SLC49A4: variants seen among roughly 807,000 people sequenced by gnomAD.
The protein encoded by SLC49A4 is disrupted in renal cancer protein 2.
In SLC49A4, 36 loss-of-function variants were observed where a neutral mutation model predicts 50.6. That is an observed-to-expected ratio of 0.71 (90% CI 0.55 to 0.94). The LOEUF (loss-of-function observed/expected upper bound fraction) is 0.94. Among genes scored for constraint, SLC49A4 ranks in the 40% least tolerant of loss-of-function variants. The pLI is 0.00. For missense variants in SLC49A4, 503 were observed against 605.7 expected, an observed-to-expected ratio of 0.83 and a Z score of 1.78; for synonymous variants, 248 against 241.2, an observed-to-expected ratio of 1.03 and a Z score of -0.26.
At chr3:122,848,210 A>G (rs748476576) in intron 5 of SLC49A4, among the ~76,000 whole-genome samples, 4 of 152,110 alleles carry the variant, frequency 2.6e-5, no homozygotes, top group Non-Finnish European at 4.4e-5. Flanking sequence ...TTTTTTCCCC[A>G]TAGATATTTG....
intron 7 of SLC49A4, among the ~76,000 whole-genome samples, chr3:122,860,848 T>C (rs1937050964): frequency 6.6e-6 from 1 of 152,222 alleles, no homozygotes. Flanking sequence ...TACATTTCTG[T>C]AGAGTAGAAG....
intron 5 of SLC49A4, among the ~76,000 whole-genome samples, 159 bp downstream of exon 5, chr3:122,846,030 T>G (rs996012608): frequency 6.6e-6 from 1 of 152,230 alleles, no homozygotes; most frequent in African/African-American, 2.4e-5. Context: ...TAAAAAATAA[T>G]GTTGATTTTC....
At chr3:122,852,587 GAGAATCA>G (rs2107576701) in intron 5 of SLC49A4, among the ~76,000 whole-genome samples, 1 of 152,122 alleles carries the variant, frequency 6.6e-6, no homozygotes, top group East Asian at 1.9e-4. Flanking sequence ...GCAGAAGTCT[GAGAATCA>G]CCTTAATCTA....
In SLC49A4 at chr3:122,826,843, A is replaced by G. The variant is rs1231938224; in HGVS notation, c.481A>G (p.Thr161Ala). 1 of 1,614,162 alleles carries G rather than the reference A, an allele frequency of 6.2e-7. No homozygotes were observed. Among genetic ancestry groups the G allele is most frequent in the East Asian group, 2.2e-5 (1 of 44,884 alleles). ...GQMLNGLAGP[T>A]VMNAAPFLST... is the part of the protein sequence containing the mutation. ...GATGTTAAATGGATTGGCAGGTCCA[A>G]CTGTAATGAATGCAGCACCATTTCT... Residue 161 changes from threonine to alanine, a missense_variant, in exon 3 of 9, where the codon ACT becomes GCT. Thr to Ala is a moderately conservative substitution (Grantham distance 58, BLOSUM62 0). Coordinates refer to ENST00000261038, the MANE Select transcript of SLC49A4 (RefSeq NM_032839.3).
At position 122,828,898 on chromosome 3, in the gene SLC49A4, G is replaced by A. The variant is rs75435389; in HGVS notation, c.703+1833G>A. Among the ~76,000 whole-genome samples the A allele has an allele frequency of 1.5e-3, 232 of 152,096 alleles. 5 individuals carry two copies. In the East Asian group the frequency reaches 0.04, roughly 26 times the overall value. On this transcript the variant is annotated intron_variant, in intron 3 of 8. Coordinates refer to ENST00000261038, the MANE Select transcript of SLC49A4 (RefSeq NM_032839.3). ...GATTGTATTTTTTACATGATGTTAA[G>A]CACTGTTAAGCATATATTAATGCAG...
intron 3 of SLC49A4, among the ~76,000 whole-genome samples, chr3:122,831,259 G>T (rs2107567244): frequency 6.6e-6 from 1 of 152,110 alleles, no homozygotes; most frequent in South Asian, 2.1e-4. Context: ...ATACAATCCA[G>T]AAATTACATT....
intron 7 of SLC49A4, among the ~76,000 whole-genome samples, chr3:122,871,163 A>G (rs1412471411): frequency 6.6e-6 from 1 of 152,176 alleles, no homozygotes; most frequent in Non-Finnish European, 1.5e-5. Flanking sequence ...TTCTTTTGTT[A>G]TCTATTTCCA....
chr3:122,851,849 A>T (rs147234709), intron 5 of SLC49A4, among the ~76,000 whole-genome samples: 1 of 151,268 alleles, frequency 6.6e-6, no homozygotes, highest in Non-Finnish European at 1.5e-5. Context: ...TTGTTATGAC[A>T]TATTCTTTTT....
intron 4 of SLC49A4, among the ~76,000 whole-genome samples, chr3:122,844,970 T>G (rs1168886323): frequency 6.6e-6 from 1 of 152,132 alleles, no homozygotes; most frequent in Non-Finnish European, 1.5e-5. Context: ...ACATATATAT[T>G]TTTTAACTTT....
chr3:122,839,626 CAT>C (rs1328440578), intron 4 of SLC49A4, among the ~76,000 whole-genome samples: 1 of 151,974 alleles, frequency 6.6e-6, no homozygotes, highest in Admixed American at 6.6e-5. Context: ...CACTAACAAA[CAT>C]AGGAAAAAAT....
chr3:122,879,116 CTATT>C (rs1434441632), intron 8 of SLC49A4, 143 bp from the exon 9 acceptor site: 8 of 628,904 alleles, frequency 1.3e-5, no homozygotes, highest in Non-Finnish European at 2.3e-5. Flanking sequence ...CAGATTGTCA[CTATT>C]TATTGAAAGC....
intron 8 of SLC49A4, among the ~76,000 whole-genome samples, chr3:122,873,623 T>C (rs748730840): frequency 1.9e-4 from 29 of 152,216 alleles, no homozygotes; most frequent in Non-Finnish European, 1.0e-4. Flanking sequence ...ATTGTTTCTG[T>C]CAATCAGTAA....
chr3:122,824,707 C>T (rs1936501206), intron 2 of SLC49A4, among the ~76,000 whole-genome samples: 1 of 134,612 alleles, frequency 7.4e-6, no homozygotes. Flanking sequence ...TCTTCCTTTC[C>T]TTTCCTTTCT....
At chr3:122,845,486 T>C (rs922094058) in intron 4 of SLC49A4, among the ~76,000 whole-genome samples, 1 of 152,196 alleles carries the variant, frequency 6.6e-6, no homozygotes, top group Admixed American at 6.5e-5. Context: ...CTGGGTCAAA[T>C]GGTAATTCTC....
At position 122,864,707 on chromosome 3, in the gene SLC49A4, C is replaced by T. The variant is rs186334464; in HGVS notation, c.1138+4505C>T. Among the ~76,000 whole-genome samples, 189 of 152,236 alleles carry T rather than the reference C, an allele frequency of 1.2e-3. 1 individual carries two copies. Among genetic ancestry groups the T allele is most frequent in the Non-Finnish European group, 2.0e-3 (134 of 68,008 alleles). On this transcript the variant is annotated intron_variant, in intron 7 of 8. Transcript: ENST00000261038. ...GTGTTATTTAAAGAAAGGAAACATA[C>T]CCAGTTGTATTGAAAGGCATGCAAC...
chr3:122,817,747 ATTTTTTTTTT>A (rs77819385), intron 2 of SLC49A4, among the ~76,000 whole-genome samples: 37 of 71,894 alleles, frequency 5.1e-4, no homozygotes, highest in Non-Finnish European at 7.9e-4. Context: ...CACCCAGCTA[ATTTTTTTTTT>A]TTTTTTTTTT....
At chr3:122,811,938 A>G (rs1936305659) in intron 2 of SLC49A4, among the ~76,000 whole-genome samples, 1 of 152,064 alleles carries the variant, frequency 6.6e-6, no homozygotes, top group Non-Finnish European at 1.5e-5. Flanking sequence ...TACTTTTGGG[A>G]ATATTTTTAC....
chr3:122,849,772 T>C (rs1208794408), intron 5 of SLC49A4, among the ~76,000 whole-genome samples: 2 of 152,178 alleles, frequency 1.3e-5, no homozygotes, highest in Non-Finnish European at 2.9e-5. Context: ...TCTCCCATTC[T>C]GTAAGTTGTC....
rs1937325059 is a variant in SLC49A4 at position 122,880,587 on chromosome 3, A to G, written c.*1209A>G. 1 of 152,224 alleles carries G rather than the reference A, an allele frequency of 6.6e-6. No homozygotes were observed. The allele number at this position is 152,224 out of a possible 1,614,324, so 9.4% of individuals were successfully genotyped here. ...ACACAGAAAAACCAACCCTTTTCCC[A>G]AAAAGTCAAGAATACTGCTATACCT... On this transcript the variant is annotated 3_prime_UTR_variant, in exon 9 of 9. Transcript: ENST00000261038.
Sources: gnomAD v4.1 joint callset for allele counts (sites outside exome capture counted in the v4.1 genomes callset) on GRCh38, gnomAD v4.1.1 for gene constraint, MANE v1.5 for transcripts, NCBI Gene and HGNC (gene_info 2026-07-23, HGNC 2026-07-21) for gene names.